The following SLC38A9 variants were observed in gnomAD, a reference collection of about 807,000 sequenced individuals.
The protein encoded by SLC38A9 is solute carrier family 38 member 9, also known as neutral amino acid transporter 9.
In SLC38A9, 48 loss-of-function variants were observed where a neutral mutation model predicts 62.3. The observed-to-expected ratio is 0.77, with a 90% confidence interval of 0.61 to 0.98. SLC38A9 has a LOEUF of 0.98. Ranked by LOEUF, SLC38A9 falls within the 50% of genes least tolerant of loss-of-function variation. The pLI, the probability that SLC38A9 is intolerant of heterozygous loss-of-function variation, is 0.00. For missense variants in SLC38A9, 541 were observed against 679.8 expected, an observed-to-expected ratio of 0.80 and a Z score of 2.27; for synonymous variants, 204 against 227.7, an observed-to-expected ratio of 0.90 and a Z score of 0.94.
chr5:55,640,379 AGTTCTACAAAG>A (rs1745243174), intron 12 of SLC38A9, among the ~76,000 whole-genome samples: 1 of 152,216 alleles, frequency 6.6e-6, no homozygotes, highest in Non-Finnish European at 1.5e-5. Context: ...CTAACATAAT[AGTTCTACAAAG>A]CCCTAGTCCT....
intron 14 of SLC38A9, 49 bp from the exon 15 acceptor site, chr5:55,628,029 G>A: frequency 8.0e-7 from 1 of 1,245,996 alleles, no homozygotes; most frequent in South Asian, 1.2e-5. Flanking sequence ...ATAAAAATAG[G>A]CAAATTATAA....
At chr5:55,658,554 G>A (rs1167093839) in intron 8 of SLC38A9, among the ~76,000 whole-genome samples, 1 of 152,188 alleles carries the variant, frequency 6.6e-6, no homozygotes, top group Non-Finnish European at 1.5e-5. Context: ...ACTTGCCAAG[G>A]AATGCCAAGG....
rs566704136 is a variant in SLC38A9 at position 55,660,231 on chromosome 5, C to T, written c.698-3457G>A. On this transcript the variant is annotated intron_variant, in intron 8 of 15. Transcript: ENST00000396865. Reference sequence around the variant, plus strand: ...TTCAAGACCAGCCTGGGCAACATGACGAAACCTGTCTCTACAAAAAATATA... The same window carrying T: ...TTCAAGACCAGCCTGGGCAACATGATGAAACCTGTCTCTACAAAAAATATA... Among the ~76,000 whole-genome samples the T allele has an allele frequency of 3.0e-4, 45 of 151,904 alleles. No individual in the cohort carries two copies. In the South Asian group the frequency reaches 4.2e-3, roughly 14 times the overall value.
chr5:55,670,684 G>T (rs887891235), intron 4 of SLC38A9, among the ~76,000 whole-genome samples: 1 of 152,068 alleles, frequency 6.6e-6, no homozygotes, highest in African/African-American at 2.4e-5. Flanking sequence ...TCTATTTCCA[G>T]GCAAACAATA....
At chr5:55,669,156 C>A in intron 7 of SLC38A9, 72 bp downstream of exon 7, 1 of 1,078,398 alleles carries the variant, frequency 9.3e-7, no homozygotes, top group South Asian at 1.4e-5. Context: ...AGCATATACA[C>A]ACTAGTGATC....
At chr5:55,710,082 A>AG (rs1192220459) in intron 2 of SLC38A9, among the ~76,000 whole-genome samples, 13 of 95,880 alleles carry the variant, frequency 1.4e-4, no homozygotes, top group African/African-American at 4.4e-4. Context: ...AAAAAAAAAA[A>AG]AAAGAAAAAA....
At chr5:55,707,090 C>T (rs1251198106) in intron 2 of SLC38A9, among the ~76,000 whole-genome samples, 3 of 151,944 alleles carry the variant, frequency 2.0e-5, no homozygotes, top group South Asian at 2.1e-4. Flanking sequence ...CCCAGCTGTG[C>T]GCCACTATGT....
At chr5:55,627,276 G>A (rs1742605964) in intron 15 of SLC38A9, among the ~76,000 whole-genome samples, 1 of 151,920 alleles carries the variant, frequency 6.6e-6, no homozygotes, top group Non-Finnish European at 1.5e-5. Context: ...AGGTAAGAGT[G>A]TTCCAAAAAA....
chr5:55,694,691 C>CTT (rs1242008294), intron 3 of SLC38A9, among the ~76,000 whole-genome samples: 1 of 150,952 alleles, frequency 6.6e-6, no homozygotes, highest in Admixed American at 6.6e-5. Flanking sequence ...TCCCTTTTCC[C>CTT]TTCCCTTCCC....
intron 8 of SLC38A9, 46 bp from the exon 9 acceptor site, chr5:55,656,820 C>A (rs1419601326): frequency 2.1e-6 from 2 of 966,188 alleles, no homozygotes; most frequent in Non-Finnish European, 3.2e-6. Flanking sequence ...ATGAAAGACA[C>A]TAAATCTATT....
chr5:55,636,184 A>T (rs890288561), intron 12 of SLC38A9, among the ~76,000 whole-genome samples: 11 of 152,240 alleles, frequency 7.2e-5, no homozygotes, highest in African/African-American at 2.7e-4. Context: ...ACAGACAACA[A>T]GCAGTATTAA....
intron 12 of SLC38A9, among the ~76,000 whole-genome samples, chr5:55,644,949 T>C (rs1746075714): frequency 1.3e-5 from 2 of 151,814 alleles, no homozygotes; most frequent in African/African-American, 4.8e-5. Context: ...TTCCCATCTA[T>C]GAGTGAGAAC....
chr5:55,681,123 A>G (rs1198138239), intron 3 of SLC38A9, among the ~76,000 whole-genome samples: 1 of 152,244 alleles, frequency 6.6e-6, no homozygotes, highest in Non-Finnish European at 1.5e-5. Context: ...CTAGAAAGCA[A>G]TTTGCAATAT....
Position 55,649,317 on chromosome 5 carries a change from G to A in SLC38A9, c.953-3C>T. The A allele has an allele frequency of 6.5e-7, 1 of 1,533,158 alleles. No individual in the cohort carries two copies. Among genetic ancestry groups the A allele is most frequent in the Middle Eastern group, 1.7e-4 (1 of 5,774 alleles). 95.0% of individuals were successfully genotyped at this position (1,533,158 alleles called of 1,614,324 possible). A position where few individuals can be genotyped will look rare whatever the true frequency, so the allele number is the denominator to read the frequency against. ...CAAATAAAGGACAGACACTGTGCCT[G>A]TGAGGAAAAAATTCAGAAACCATTT... On this transcript the variant is annotated splice_region_variant and splice_polypyrimidine_tract_variant and intron_variant, in intron 10 of 15. Coordinates refer to ENST00000396865, the MANE Select transcript of SLC38A9 (RefSeq NM_173514.4).
chr5:55,657,247 A>G (rs1748617066), intron 8 of SLC38A9, among the ~76,000 whole-genome samples: 1 of 152,210 alleles, frequency 6.6e-6, no homozygotes, highest in Non-Finnish European at 1.5e-5. Flanking sequence ...ACTTATGGGC[A>G]TGATAATGTT....
chr5:55,663,946 A>G (rs1226731235), intron 8 of SLC38A9, among the ~76,000 whole-genome samples: 1 of 152,186 alleles, frequency 6.6e-6, no homozygotes, highest in Non-Finnish European at 1.5e-5. Context: ...TGCTAAACAT[A>G]TATTAAACTT....
At chr5:55,694,489 T>C (rs925845737) in intron 3 of SLC38A9, among the ~76,000 whole-genome samples, 3 of 25,220 alleles carry the variant, frequency 1.2e-4, no homozygotes, top group Non-Finnish European at 2.7e-4. Flanking sequence ...AGGACAATTC[T>C]GTGTGTGTGT....
rs67490309 is a variant in SLC38A9 at position 55,705,439 on chromosome 5, C to CAAAAAA, written c.-35+6007_-35+6012dup. Among the ~76,000 whole-genome samples the CAAAAAA allele has an allele frequency of 2.9e-4, 36 of 125,614 alleles. No individual in the cohort carries two copies. The East Asian group carries it at 3.2e-3, about 11-fold the overall frequency. The allele number at this position is 125,614 out of a possible 152,430, so 82.4% of individuals were successfully genotyped here. On this transcript the variant is annotated intron_variant, in intron 2 of 15. Coordinates refer to ENST00000396865, the MANE Select transcript of SLC38A9 (RefSeq NM_173514.4). ...GGAAATGGGTATTACCTTCATATTA[C>CAAAAAA]AAAAAAAAAAAAGAAAGAAAGAAAG...
intron 7 of SLC38A9, among the ~76,000 whole-genome samples, chr5:55,666,823 C>G (rs909838378): frequency 5.9e-5 from 9 of 152,036 alleles, no homozygotes; most frequent in African/African-American, 1.9e-4. Flanking sequence ...GTCAGGAGAT[C>G]GAGACCACAG....
Sources: allele counts gnomAD v4.1 joint callset (sites outside exome capture counted in the v4.1 genomes callset), GRCh38; gene constraint gnomAD v4.1.1; transcripts MANE v1.5; gene names NCBI Gene and HGNC (gene_info 2026-07-23, HGNC 2026-07-21).